The following SLC20A2 variants were observed in gnomAD, a reference collection of about 807,000 sequenced individuals.
SLC20A2 encodes solute carrier family 20 member 2.
In SLC20A2, 30 loss-of-function variants were observed where a neutral mutation model predicts 61.0. The ratio of observed to expected loss-of-function variants is 0.49; its 90% CI spans 0.37 to 0.67. The LOEUF (loss-of-function observed/expected upper bound fraction) is 0.67, where lower values mean the gene tolerates loss of function less well. SLC20A2 is among the 30% of genes least tolerant of loss of function. The pLI is 0.00. For synonymous variants in SLC20A2, 351 were observed against 353.3 expected, an observed-to-expected ratio of 0.99 and a Z score of 0.07; for missense variants, 626 against 866.4, an observed-to-expected ratio of 0.72 and a Z score of 3.48.
At chr8:42,470,407 C>CA (rs1807538861) in intron 2 of SLC20A2, among the ~76,000 whole-genome samples, 1 of 151,736 alleles carries the variant, frequency 6.6e-6, no homozygotes, top group Non-Finnish European at 1.5e-5. Flanking sequence ...TTTGTACAGA[C>CA]AGGGTCTCCC....
intron 4 of SLC20A2, among the ~76,000 whole-genome samples, chr8:42,462,342 G>A (rs949199122): frequency 3.3e-5 from 5 of 152,106 alleles, no homozygotes; most frequent in Non-Finnish European, 4.4e-5. Context: ...AAAGGGCTGC[G>A]CCAGCTTCCA....
chr8:42,541,728 T>G (rs558081417), intron 1 of SLC20A2: 13 of 147,882 alleles, frequency 8.8e-5, no homozygotes, highest in East Asian at 4.2e-4. Context: ...GCGTCCCCGC[T>G]TCTCCCGGTC....
intron 10 of SLC20A2, among the ~76,000 whole-genome samples, chr8:42,426,271 T>C (rs1392727582): frequency 2.6e-5 from 4 of 152,242 alleles, no homozygotes; most frequent in Admixed American, 6.5e-5. Flanking sequence ...TTCTAGAGTT[T>C]AGTGTTATTA....
chr8:42,439,012 T>A (rs759253836), intron 7 of SLC20A2, among the ~76,000 whole-genome samples: 6 of 152,218 alleles, frequency 3.9e-5, no homozygotes, highest in Non-Finnish European at 2.9e-5. Context: ...CCACTGCACC[T>A]GGTCAGTCTG....
chr8:42,433,568 C>T (rs1356104308), intron 8 of SLC20A2, among the ~76,000 whole-genome samples: 4 of 152,174 alleles, frequency 2.6e-5, no homozygotes, highest in Non-Finnish European at 5.9e-5. Flanking sequence ...CATGATCCGC[C>T]CGCCTCAGCC....
intron 1 of SLC20A2, among the ~76,000 whole-genome samples, chr8:42,478,738 A>G (rs1808349653): frequency 6.6e-6 from 1 of 152,182 alleles, no homozygotes. Context: ...TATACAGTCT[A>G]CCTCAATAAA....
At chr8:42,520,819 T>TC (rs1343383958) in intron 1 of SLC20A2, among the ~76,000 whole-genome samples, 1 of 120,374 alleles carries the variant, frequency 8.3e-6, no homozygotes, top group Non-Finnish European at 2.0e-5. Flanking sequence ...CGGTAATTAT[T>TC]CCCCACAAGA....
intron 1 of SLC20A2, chr8:42,541,117 G>C (rs922551943): frequency 2.0e-5 from 3 of 152,166 alleles, no homozygotes; most frequent in African/African-American, 7.2e-5. Context: ...ATTGCGCCTG[G>C]TGGGACAATG....
intron 10 of SLC20A2, 73 bp downstream of exon 10, chr8:42,428,685 C>T (rs1162595473): frequency 1.4e-5 from 19 of 1,366,224 alleles, no homozygotes; most frequent in Non-Finnish European, 1.7e-5. Context: ...TACAGCTTCC[C>T]TTGCATGCGC....
At chr8:42,492,250 G>A (rs995193774) in intron 1 of SLC20A2, among the ~76,000 whole-genome samples, 11 of 152,178 alleles carry the variant, frequency 7.2e-5, no homozygotes, top group African/African-American at 2.7e-4. Flanking sequence ...CAGCTACGCA[G>A]GAGGCTGAGG....
At chr8:42,524,701 G>A (rs1051346291) in intron 1 of SLC20A2, among the ~76,000 whole-genome samples, 5 of 151,902 alleles carry the variant, frequency 3.3e-5, no homozygotes, top group African/African-American at 1.2e-4. Context: ...CAGGAGAATC[G>A]CTTGAACCCG....
chr8:42,495,357 T>C (rs985895074), intron 1 of SLC20A2, among the ~76,000 whole-genome samples: 2 of 152,206 alleles, frequency 1.3e-5, no homozygotes, highest in Non-Finnish European at 2.9e-5. Flanking sequence ...GCTGTATATT[T>C]ATTGGAAGTT....
chr8:42,487,023 C>A (rs183925535), intron 1 of SLC20A2, among the ~76,000 whole-genome samples: 1 of 151,838 alleles, frequency 6.6e-6, no homozygotes, highest in Admixed American at 6.6e-5. Context: ...TGTGCCACAA[C>A]GCCCGGCTAA....
At chr8:42,463,879 T>C (rs971619665) in intron 3 of SLC20A2, among the ~76,000 whole-genome samples, 8 of 151,864 alleles carry the variant, frequency 5.3e-5, no homozygotes, top group Admixed American at 4.6e-4. Flanking sequence ...ACCCAGAATA[T>C]GGAAATGGAG....
At chr8:42,520,324 C>T (rs72643241) in intron 1 of SLC20A2, among the ~76,000 whole-genome samples, 1 of 151,342 alleles carries the variant, frequency 6.6e-6, no homozygotes, top group Admixed American at 6.6e-5. Context: ...TCTTTATGCC[C>T]ATCTTTATAA....
chr8:42,426,265 A>T (rs7837200), intron 10 of SLC20A2, among the ~76,000 whole-genome samples: 2,973 of 152,326 alleles, frequency 0.02, 103 homozygotes, highest in African/African-American at 0.069. Flanking sequence ...ACTGTATTCT[A>T]GAGTTTAGTG....
chr8:42,517,368 C>CA lies in SLC20A2; in HGVS notation c.-265+24452dup, dbSNP rs34660785. ...GGGCAACTGTAGTGAGATCCTGTCT[C>CA]AAAAAAAAAAAAACAATAATAAAAT... On this transcript the variant is annotated intron_variant, in intron 1 of 10. Transcript: ENST00000342228. Among the ~76,000 whole-genome samples the CA allele has an allele frequency of 4.1e-3, 523 of 126,386 alleles. 6 individuals carry two copies. The highest frequency in any genetic ancestry group is 9.6e-3 in the African/African-American group (321 of 33,420). The allele number at this position is 126,386 out of a possible 152,430, so 82.9% of individuals were successfully genotyped here.
intron 1 of SLC20A2, among the ~76,000 whole-genome samples, chr8:42,479,902 T>C (rs764091546): frequency 1.3e-5 from 2 of 152,094 alleles, no homozygotes; most frequent in Non-Finnish European, 2.9e-5. Context: ...GGGCTCTAGA[T>C]TGTGAATGAG....
chr8:42,504,246 G>A (rs868371134), upstream of SLC20A2, among the ~76,000 whole-genome samples: 4 of 152,126 alleles, frequency 2.6e-5, no homozygotes, highest in African/African-American at 9.7e-5. Context: ...TGGCTTCTTG[G>A]CATTCTTTAC....
Sources: allele counts gnomAD v4.1 joint callset (sites outside exome capture counted in the v4.1 genomes callset), GRCh38; gene constraint gnomAD v4.1.1; transcripts MANE v1.5; gene names NCBI Gene and HGNC (gene_info 2026-07-23, HGNC 2026-07-21).